CCND3: variants seen among roughly 807,000 people sequenced by gnomAD.
CCND3 encodes the protein G1/S-specific cyclin-D3.
Under a neutral mutation model 28.7 loss-of-function variants are expected in CCND3, and 9 were observed. The ratio of observed to expected loss-of-function variants is 0.31; its 90% CI spans 0.19 to 0.55. The LOEUF is 0.55. CCND3 is among the 20% of genes least tolerant of loss of function. The pLI is 0.93. For synonymous variants in CCND3, 164 were observed against 163.9 expected, an observed-to-expected ratio of 1.00 and a Z score of 0.00; for missense variants, 315 against 385.8, an observed-to-expected ratio of 0.82 and a Z score of 1.54.
chr6:42,036,886 T>G (rs1764235334), intron 1 of CCND3, among the ~76,000 whole-genome samples: 1 of 152,216 alleles, frequency 6.6e-6, no homozygotes, highest in Non-Finnish European at 1.5e-5. Flanking sequence ...TATTTTTGTT[T>G]TGGAAAATAG....
intron 1 of CCND3, among the ~76,000 whole-genome samples, chr6:42,022,617 G>A (rs1049384118): frequency 5.3e-5 from 8 of 152,276 alleles, no homozygotes; most frequent in East Asian, 1.9e-4. Context: ...CCCCCCAACC[G>A]CCAGGGGGTC....
intron 2 of CCND3, 84 bp downstream of exon 2, chr6:41,940,286 A>G (rs1271901469): frequency 5.6e-6 from 7 of 1,252,892 alleles, no homozygotes; most frequent in Non-Finnish European, 2.3e-6. Context: ...CAGGGGGCAG[A>G]AAGCCTCTGA....
chr6:41,988,197 T>A (rs1762542828), intron 1 of CCND3, among the ~76,000 whole-genome samples: 1 of 151,796 alleles, frequency 6.6e-6, no homozygotes, highest in Non-Finnish European at 1.5e-5. Flanking sequence ...TCCCAGCTAC[T>A]CGGGAGGCTG....
At chr6:41,955,165 A>G (rs1349541735) in intron 1 of CCND3, among the ~76,000 whole-genome samples, 3 of 152,344 alleles carry the variant, frequency 2.0e-5, no homozygotes, top group East Asian at 3.9e-4. Context: ...AGTAATTTCA[A>G]TCTTACACAA....
At chr6:42,011,224 TCTC>T (rs1416618673) in intron 1 of CCND3, among the ~76,000 whole-genome samples, 4 of 152,024 alleles carry the variant, frequency 2.6e-5, no homozygotes, top group Admixed American at 6.6e-5. Context: ...CTCAAGCAAT[TCTC>T]CTGCCTCAGC....
At chr6:41,955,344 A>G (rs542749256) in intron 1 of CCND3, among the ~76,000 whole-genome samples, 3 of 152,342 alleles carry the variant, frequency 2.0e-5, no homozygotes, top group Admixed American at 6.5e-5. Context: ...AAAAAGGGTA[A>G]TATGTTGTGA....
upstream of CCND3, among the ~76,000 whole-genome samples, chr6:41,946,319 G>A (rs771250439): frequency 6.6e-6 from 1 of 151,836 alleles, no homozygotes; most frequent in African/African-American, 2.4e-5. Flanking sequence ...AAAGTTGGCC[G>A]GGCACGGTGG....
intron 1 of CCND3, among the ~76,000 whole-genome samples, chr6:42,000,393 A>G (rs1184272322): frequency 6.7e-6 from 1 of 149,580 alleles, no homozygotes; most frequent in African/African-American, 2.5e-5. Flanking sequence ...GGCGCCCGAC[A>G]CCACACCCGG....
At chr6:42,038,639 T>G (rs1301953128) in intron 1 of CCND3, among the ~76,000 whole-genome samples, 4 of 151,012 alleles carry the variant, frequency 2.6e-5, no homozygotes, top group Non-Finnish European at 5.9e-5. Context: ...CTTTTAGAAA[T>G]AAGAAATAAT....
At chr6:41,940,966 G>A (rs368920854) in intron 1 of CCND3, 3 of 1,612,954 alleles carry the variant, frequency 1.9e-6, no homozygotes, top group Non-Finnish European at 2.5e-6. Context: ...GGGGAAGGGA[G>A]GAGGCTCCTG....
intron 1 of CCND3, among the ~76,000 whole-genome samples, chr6:42,021,583 G>A (rs938532384): frequency 2.6e-5 from 4 of 152,186 alleles, no homozygotes; most frequent in African/African-American, 9.7e-5. Flanking sequence ...ATACACACTA[G>A]GAAACACCAC....
chr6:41,978,565 A>C (rs1478231834), intron 1 of CCND3, among the ~76,000 whole-genome samples: 1 of 151,984 alleles, frequency 6.6e-6, no homozygotes, highest in African/African-American at 2.4e-5. Context: ...AAACCCCTCA[A>C]AACTACCTGA....
chr6:42,033,650 C>T (rs1162667660), intron 1 of CCND3, among the ~76,000 whole-genome samples: 1 of 151,346 alleles, frequency 6.6e-6, no homozygotes, highest in Non-Finnish European at 1.5e-5. Context: ...AAGGACGAGA[C>T]CAGCCTGACC....
At chr6:42,033,457 A>C (rs116307341) in intron 1 of CCND3, among the ~76,000 whole-genome samples, 10 of 141,830 alleles carry the variant, frequency 7.1e-5, no homozygotes, top group African/African-American at 2.8e-4. Context: ...CTAAAAAAAA[A>C]ATATATATAT....
intron 1 of CCND3, among the ~76,000 whole-genome samples, chr6:41,967,674 T>C (rs1761925380): frequency 6.6e-6 from 1 of 152,232 alleles, no homozygotes; most frequent in Non-Finnish European, 1.5e-5. Flanking sequence ...AAGATCACAC[T>C]TGGAGTCCAC....
intron 1 of CCND3, among the ~76,000 whole-genome samples, chr6:41,993,311 A>C (rs970980714): frequency 6.6e-6 from 1 of 152,112 alleles, no homozygotes; most frequent in Non-Finnish European, 1.5e-5. Context: ...TCCTCACAGC[A>C]TAGATGATAC....
chr6:41,936,013 G>T lies in CCND3; in HGVS notation c.806C>A (p.Ala269Asp), dbSNP rs956805243. 1 of 1,613,382 alleles carries T rather than the reference G, an allele frequency of 6.2e-7. No individual in the cohort carries two copies. Among genetic ancestry groups the T allele is most frequent in the East Asian group, 2.2e-5 (1 of 44,880 alleles). The change falls in exon 5 of 5, where the codon GCC becomes GAC. Residue 269 changes from alanine to aspartate, a missense_variant. Physicochemically the swap from Ala to Asp is moderately radical, Grantham distance 126. Coordinates refer to ENST00000372991, the MANE Select transcript of CCND3 (RefSeq NM_001760.5). The surrounding 1 kb of genome is among the most constrained non-coding windows in gnomAD (Gnocchi z 4.4). ...SQTSSSPAPK[A>D]PRGSSSQGPS... ...CCCTTGGCTGCTGGAGCCCCGGGGG[G>T]CTTTGGGCGCTGGGCTGGAGCTGGT...
intron 2 of CCND3, chr6:41,937,637 A>G: frequency 1.8e-6 from 1 of 552,738 alleles, no homozygotes; most frequent in South Asian, 2.2e-5. Context: ...TACATGGATT[A>G]TCCCTTTTAA....
At chr6:41,949,456 G>C (rs1436148088) in intron 1 of CCND3, among the ~76,000 whole-genome samples, 1 of 152,168 alleles carries the variant, frequency 6.6e-6, no homozygotes, top group Non-Finnish European at 1.5e-5. Flanking sequence ...AGTGAGCCGA[G>C]ATCGTGCCAC....
Sources: allele counts gnomAD v4.1 joint callset (sites outside exome capture counted in the v4.1 genomes callset), GRCh38; gene constraint gnomAD v4.1.1; non-coding constraint Gnocchi (gnomAD v3.1); transcripts MANE v1.5; gene names NCBI Gene and HGNC (gene_info 2026-07-23, HGNC 2026-07-21).